Variants in ANO3 observed in about 807,000 individuals in gnomAD.
The protein encoded by ANO3 is anoctamin-3.
ANO3 carries 99 observed loss-of-function variants against 144.8 expected under a neutral mutation model. The ratio of observed to expected loss-of-function variants is 0.68; its 90% CI spans 0.58 to 0.81. The LOEUF (loss-of-function observed/expected upper bound fraction) is 0.81, where lower values mean the gene tolerates loss of function less well. Among genes scored for constraint, ANO3 ranks in the 30% least tolerant of loss-of-function variants. The pLI is 0.00. For missense variants in ANO3, 905 were observed against 1,202.2 expected, an observed-to-expected ratio of 0.75 and a Z score of 3.66; for synonymous variants, 414 against 392.6, an observed-to-expected ratio of 1.05 and a Z score of -0.64.
intron 1 of ANO3, among the ~76,000 whole-genome samples, chr11:26,426,507 A>T (rs148076446): frequency 6.6e-6 from 1 of 152,200 alleles, no homozygotes; most frequent in Non-Finnish European, 1.5e-5. Flanking sequence ...AAAAGCACAT[A>T]TATGAATGCT....
At chr11:26,277,032 A>G (rs571389344) in intron 1 of ANO3, among the ~76,000 whole-genome samples, 63 of 152,244 alleles carry the variant, frequency 4.1e-4, no homozygotes, top group East Asian at 1.2e-3. Context: ...AGTGGCTGCC[A>G]TTCATATTGC....
intron 1 of ANO3, among the ~76,000 whole-genome samples, chr11:26,242,338 T>C (rs1852681197): frequency 6.6e-6 from 1 of 152,222 alleles, no homozygotes; most frequent in African/African-American, 2.4e-5. Context: ...TCCATCCATA[T>C]GAAATCTACT....
upstream of ANO3, among the ~76,000 whole-genome samples, chr11:26,327,695 A>C (rs1183363059): frequency 4.6e-5 from 7 of 152,240 alleles, no homozygotes; most frequent in Non-Finnish European, 7.3e-5. Flanking sequence ...GTCTATTTTT[A>C]ATAACATTAT....
intron 14 of ANO3, among the ~76,000 whole-genome samples, chr11:26,588,112 A>G (rs112721189): frequency 0.12 from 18,538 of 152,096 alleles, 1,463 homozygotes; most frequent in Non-Finnish European, 0.18. Context: ...CAGTATGGTC[A>G]CTTCTGAAAA....
chr11:26,366,154 C>T (rs764343960), intron 1 of ANO3, among the ~76,000 whole-genome samples: 2 of 151,918 alleles, frequency 1.3e-5, no homozygotes, highest in Non-Finnish European at 2.9e-5. Flanking sequence ...CTCCCCTCAC[C>T]CCACAACAGG....
At chr11:26,545,940 T>A (rs2703403) in intron 11 of ANO3, among the ~76,000 whole-genome samples, 6 of 151,762 alleles carry the variant, frequency 4.0e-5, no homozygotes, top group African/African-American at 1.4e-4. Flanking sequence ...CTACTTTTAC[T>A]TAGGTGACTA....
At chr11:26,207,775 A>G (rs1159304750) in intron 1 of ANO3, among the ~76,000 whole-genome samples, 1 of 142,786 alleles carries the variant, frequency 7.0e-6, no homozygotes, top group African/African-American at 2.5e-5. Flanking sequence ...GTTTTGTAAT[A>G]GGACAACATT....
intron 17 of ANO3, among the ~76,000 whole-genome samples, chr11:26,620,655 C>T (rs1202590731): frequency 1.3e-5 from 2 of 152,122 alleles, no homozygotes; most frequent in Non-Finnish European, 2.9e-5. Context: ...TGTAAGTACT[C>T]CATGTAGGTT....
intron 4 of ANO3, among the ~76,000 whole-genome samples, chr11:26,482,040 A>G (rs371151318): frequency 4.1e-4 from 62 of 151,706 alleles, no homozygotes; most frequent in African/African-American, 1.4e-3. Flanking sequence ...GCACAGGCAC[A>G]TGCTACCATG....
rs576975313 is a variant in ANO3, at chr11:26,233,013, C to G, written c.154+43683C>G. Among the ~76,000 whole-genome samples, 5 of 150,024 alleles carry G rather than the reference C, an allele frequency of 3.3e-5. No homozygotes were observed. In the East Asian group the frequency reaches 9.7e-4, roughly 29 times the overall value. ...CAGGCGGATCACGAGGTCAGGAGAT[C>G]GAGACATCCTGGCTAACACGGTGAA... On this transcript the variant is annotated intron_variant, in intron 1 of 27. Transcript: ENST00000672621.
At position 26,374,492 on chromosome 11, in the gene ANO3, C is replaced by T. The variant is rs148112827; in HGVS notation, c.46+42171C>T. ...TATCTTAAAGATCACAGAACTTGGA[C>T]ATTAGGAGGGAACAAATAAGTTTCT... On this transcript the variant is annotated intron_variant, in intron 1 of 26. Transcript: ENST00000256737. 4.1e-4 allele frequency among the ~76,000 whole-genome samples: 62 copies of T among 152,164 alleles called. No homozygotes were observed. The East Asian group carries it at 0.012, about 29-fold the overall frequency.
At chr11:26,205,940 C>T (rs1228080343) in intron 1 of ANO3, among the ~76,000 whole-genome samples, 3 of 152,168 alleles carry the variant, frequency 2.0e-5, no homozygotes, top group African/African-American at 7.2e-5. Flanking sequence ...CAGCAAGAAA[C>T]ATCGGCAGCC....
intron 1 of ANO3, among the ~76,000 whole-genome samples, chr11:26,263,369 C>T (rs1439452966): frequency 6.6e-6 from 1 of 152,176 alleles, no homozygotes; most frequent in Non-Finnish European, 1.5e-5. Context: ...CTGCATCTTT[C>T]CCTCAGTTCA....
At chr11:26,343,371 C>T (rs979971632) in intron 1 of ANO3, among the ~76,000 whole-genome samples, 1 of 152,174 alleles carries the variant, frequency 6.6e-6, no homozygotes, top group African/African-American at 2.4e-5. Flanking sequence ...ATGCTGATAT[C>T]AAGATTCAGA....
At chr11:26,258,349 A>G (rs1313116919) in intron 1 of ANO3, among the ~76,000 whole-genome samples, 1 of 152,208 alleles carries the variant, frequency 6.6e-6, no homozygotes, top group African/African-American at 2.4e-5. Flanking sequence ...AAGCAGTTAT[A>G]TTAGTCAACC....
intron 5 of ANO3, among the ~76,000 whole-genome samples, chr11:26,516,042 C>G (rs1395464082): frequency 6.6e-6 from 1 of 151,776 alleles, no homozygotes; most frequent in Non-Finnish European, 1.5e-5. Context: ...GACTACTGAA[C>G]AAAAGCTAAG....
At chr11:26,441,684 A>T (rs891418408) in intron 1 of ANO3, among the ~76,000 whole-genome samples, 4 of 152,270 alleles carry the variant, frequency 2.6e-5, no homozygotes, top group Non-Finnish European at 4.4e-5. Context: ...CTTTTAAAGG[A>T]GTGGTGAAAG....
chr11:26,450,136 T>G (rs1051120372), intron 3 of ANO3, among the ~76,000 whole-genome samples: 6 of 152,180 alleles, frequency 3.9e-5, no homozygotes, highest in African/African-American at 1.4e-4. Flanking sequence ...CTTTCTATTA[T>G]AGCACTTTGG....
chr11:26,337,611 T>G (rs977600041), intron 1 of ANO3, among the ~76,000 whole-genome samples: 1 of 152,130 alleles, frequency 6.6e-6, no homozygotes, highest in Non-Finnish European at 1.5e-5. Context: ...CCAAGAAAAA[T>G]TCAACCTTCT....
Sources: gnomAD v4.1 joint callset for allele counts (sites outside exome capture counted in the v4.1 genomes callset) on GRCh38, gnomAD v4.1.1 for gene constraint, MANE v1.5 for transcripts, NCBI Gene and HGNC (gene_info 2026-07-23, HGNC 2026-07-21) for gene names.